NT5M: variants seen among roughly 807,000 people sequenced by gnomAD.
NT5M encodes 5'(3')-deoxyribonucleotidase, mitochondrial.
NT5M carries 22 observed loss-of-function variants against 22.2 expected under a neutral mutation model. The observed-to-expected ratio is 0.99, with a 90% CI of 0.71 to 1.41. The LOEUF is 1.41. NT5M is among the 40% of genes most tolerant of loss of function. The pLI, the probability that NT5M is intolerant of heterozygous loss-of-function variation, is 0.00. For synonymous variants in NT5M, 167 were observed against 133.0 expected (o/e 1.26, Z -1.76); for missense variants, 322 against 314.8 (o/e 1.02, Z -0.17).
intron 3 of NT5M, among the ~76,000 whole-genome samples, chr17:17,340,862 G>C (rs908929619): frequency 1.2e-4 from 18 of 152,128 alleles, no homozygotes; most frequent in Non-Finnish European, 8.8e-5. Flanking sequence ...GCATCATTAA[G>C]TTGTTTACTT....
chr17:17,318,868 T>C (rs1597764001), intron 2 of NT5M, among the ~76,000 whole-genome samples: 1 of 144,358 alleles, frequency 6.9e-6, no homozygotes, highest in Admixed American at 7.1e-5. Flanking sequence ...TGATACTGAG[T>C]GAAAGAAGCC....
At chr17:17,341,622 C>T (rs948515797) in intron 3 of NT5M, among the ~76,000 whole-genome samples, 2 of 152,230 alleles carry the variant, frequency 1.3e-5, no homozygotes, top group African/African-American at 4.8e-5. Flanking sequence ...GAGATACTCA[C>T]GTGAGAAGCT....
intron 3 of NT5M, among the ~76,000 whole-genome samples, chr17:17,325,164 C>G (rs1351428158): frequency 6.6e-6 from 1 of 152,190 alleles, no homozygotes; most frequent in Non-Finnish European, 1.5e-5. Context: ...GTCACTATTT[C>G]AGCTGGAGTT....
Position 17,321,721 on chromosome 17 carries a change from T to G in NT5M, c.369-1464T>G, listed in dbSNP as rs371242442. ...GGAGCAGTGGGATAGCTGGGCTCCT[T>G]CAGGGCCTGGCCAGACAGGCCTGGG... is the stretch of plus-strand genomic sequence containing the variant. On this transcript the variant is annotated intron_variant, in intron 2 of 4. Transcript: ENST00000389022. Among the ~76,000 whole-genome samples, 53 of 151,926 alleles carry G rather than the reference T, an allele frequency of 3.5e-4. 1 individual carries two copies. The South Asian group carries it at 0.011, about 32-fold the overall frequency.
Position 17,347,029 on chromosome 17 carries a change from C to T in NT5M, c.*82C>T, listed in dbSNP as rs773702417. 2.6e-6 allele frequency: 4 copies of T among 1,531,598 alleles called. No individual in the cohort carries two copies. The South Asian group carries it at 3.6e-5, about 14-fold the overall frequency. 94.9% of individuals were successfully genotyped at this position (1,531,598 alleles called of 1,614,324 possible). A position where few individuals can be genotyped will look rare whatever the true frequency, so the allele number is the denominator to read the frequency against. ...GGGCCTGTGGGGCCAGTATGCTGGT[C>T]TGGGAGTCCCTCCTAGACTCCTGGG... On this transcript the variant is annotated 3_prime_UTR_variant, in exon 5 of 5. Transcript: ENST00000389022.
At chr17:17,345,201 C>T (rs1245643404) in intron 4 of NT5M, 2 of 1,178,650 alleles carry the variant, frequency 1.7e-6, no homozygotes, top group African/African-American at 1.5e-5. Context: ...GGGGACTCAA[C>T]TCTGGTTTCC....
intron 2 of NT5M, among the ~76,000 whole-genome samples, chr17:17,310,709 G>A (rs903357802): frequency 1.4e-5 from 2 of 147,286 alleles, no homozygotes; most frequent in Admixed American, 7.0e-5. Flanking sequence ...ATAGTGGTGC[G>A]TGCCTGTGAT....
intron 2 of NT5M, among the ~76,000 whole-genome samples, chr17:17,322,232 T>C (rs190305420): frequency 1.3e-5 from 2 of 151,346 alleles, no homozygotes; most frequent in East Asian, 3.9e-4. Context: ...TGCTGTCGAG[T>C]GTGGGCATTG....
chr17:17,318,046 G>T (rs1033585604), intron 2 of NT5M, among the ~76,000 whole-genome samples: 2 of 149,128 alleles, frequency 1.3e-5, no homozygotes, highest in Non-Finnish European at 3.0e-5. Context: ...CCACGGAATT[G>T]AAAACAGGTA....
In NT5M at chr17:17,332,802, C is replaced by T. The variant is rs117404450; in HGVS notation, c.429+9557C>T. Among the ~76,000 whole-genome samples the T allele has an allele frequency of 4.2e-4, 64 of 152,216 alleles. No individual in the cohort carries two copies. In the East Asian group the frequency reaches 0.012, roughly 28 times the overall value. On this transcript the variant is annotated intron_variant, in intron 3 of 4. Coordinates refer to ENST00000389022, the MANE Select transcript of NT5M (RefSeq NM_020201.4). The stretch of plus-strand genomic sequence containing the variant: ...TCAGTGCACCATGGTCACTCAGAGC[C>T]CATAGTTTACATCAGGGTTCACTCC...
At chr17:17,305,407 C>CT (rs1297432081) in intron 1 of NT5M, among the ~76,000 whole-genome samples, 4 of 130,304 alleles carry the variant, frequency 3.1e-5, no homozygotes, top group Non-Finnish European at 6.6e-5. Flanking sequence ...CCCCCCCCCC[C>CT]GCCCCCACAC....
At chr17:17,326,975 G>A (rs905392241) in intron 3 of NT5M, among the ~76,000 whole-genome samples, 3 of 152,000 alleles carry the variant, frequency 2.0e-5, no homozygotes, top group Admixed American at 6.6e-5. Context: ...GCAGTGGTGC[G>A]ATCTCGGCTT....
At chr17:17,340,630 G>A (rs1324831935) in intron 3 of NT5M, among the ~76,000 whole-genome samples, 1 of 151,814 alleles carries the variant, frequency 6.6e-6, no homozygotes, top group African/African-American at 2.4e-5. Context: ...GGGTTCAAGC[G>A]ATTCTCCTGC....
At chr17:17,317,962 C>CAAAAAA (rs35320589) in intron 2 of NT5M, among the ~76,000 whole-genome samples, 6 of 74,060 alleles carry the variant, frequency 8.1e-5, no homozygotes, top group Non-Finnish European at 9.3e-5. Flanking sequence ...ACTCCATGAT[C>CAAAAAA]AAAAAAAAAA....
chr17:17,322,689 G>GAGGGC (rs3063349), intron 2 of NT5M, among the ~76,000 whole-genome samples: 88,510 of 151,550 alleles, frequency 0.58, 28,037 homozygotes, highest in East Asian at 0.79. Flanking sequence ...CTGTGGGCAT[G>GAGGGC]AGGGCGCAGG....
chr17:17,342,435 G>A (rs1290341350), intron 3 of NT5M, among the ~76,000 whole-genome samples: 2 of 152,096 alleles, frequency 1.3e-5, no homozygotes, highest in African/African-American at 2.4e-5. Flanking sequence ...GATGAAACAC[G>A]GAAACTGGGT....
chr17:17,315,527 C>G (rs1450296383), intron 2 of NT5M, among the ~76,000 whole-genome samples: 3 of 152,198 alleles, frequency 2.0e-5, no homozygotes, highest in Middle Eastern at 3.4e-3. Context: ...GACATCAGAC[C>G]TGAAGAGTAA....
chr17:17,327,767 C>T (rs1365454180), intron 3 of NT5M, among the ~76,000 whole-genome samples: 1 of 106,018 alleles, frequency 9.4e-6, no homozygotes, highest in African/African-American at 3.3e-5. Context: ...CCACCTGCCT[C>T]GGTCTCCCAA....
intron 3 of NT5M, among the ~76,000 whole-genome samples, chr17:17,325,338 G>A (rs2049243276): frequency 6.6e-6 from 1 of 151,950 alleles, no homozygotes; most frequent in Non-Finnish European, 1.5e-5. Context: ...ACTCAGACCC[G>A]ATGTATCTGT....
Sources: allele counts gnomAD v4.1 joint callset (sites outside exome capture counted in the v4.1 genomes callset), GRCh38; gene constraint gnomAD v4.1.1; transcripts MANE v1.5; gene names NCBI Gene and HGNC (gene_info 2026-07-23, HGNC 2026-07-21).